The following GULP1 variants were observed in gnomAD, a reference collection of about 807,000 sequenced individuals.
The protein encoded by GULP1 is PTB domain-containing engulfment adapter protein 1.
A neutral mutation model predicts 40.9 loss-of-function variants in GULP1; 19 were observed. The ratio of observed to expected loss-of-function variants is 0.46; its 90% CI spans 0.32 to 0.68. The LOEUF (loss-of-function observed/expected upper bound fraction) is 0.68, where lower values mean the gene tolerates loss of function less well. Among genes scored for constraint, GULP1 ranks in the 30% least tolerant of loss-of-function variants. The pLI is 0.03. For missense variants in GULP1, 312 were observed against 362.2 expected (o/e 0.86, Z 1.12); for synonymous variants, 119 against 117.6 (o/e 1.01, Z -0.08).
At chr2:188,413,115 AAT>A (rs1376908463) in intron 2 of GULP1, among the ~76,000 whole-genome samples, 1 of 152,162 alleles carries the variant, frequency 6.6e-6, no homozygotes, top group African/African-American at 2.4e-5. Context: ...TAATACTTTT[AAT>A]ATATGTTATG....
intron 2 of GULP1, among the ~76,000 whole-genome samples, chr2:188,405,093 T>G (rs1395572148): frequency 6.6e-6 from 1 of 152,132 alleles, no homozygotes; most frequent in Non-Finnish European, 1.5e-5. Flanking sequence ...CTTAGCCCCA[T>G]GGACCTAGGC....
At chr2:188,399,701 A>AAAC (rs1553540247) in intron 2 of GULP1, among the ~76,000 whole-genome samples, 7 of 149,392 alleles carry the variant, frequency 4.7e-5, no homozygotes, top group East Asian at 2.0e-4. Flanking sequence ...AAAAAAAAAA[A>AAAC]AAAAAAAAAA....
chr2:188,473,247 C>T (rs1201787182), intron 2 of GULP1, among the ~76,000 whole-genome samples: 2 of 152,154 alleles, frequency 1.3e-5, no homozygotes, highest in Admixed American at 6.6e-5. Context: ...CAGAACAGCA[C>T]TGGTTCTTGC....
intron 7 of GULP1, among the ~76,000 whole-genome samples, chr2:188,547,598 A>C (rs2153360239): frequency 6.6e-6 from 1 of 152,240 alleles, no homozygotes; most frequent in African/African-American, 2.4e-5. Context: ...TGGCTGCACC[A>C]GCAGCTGATT....
chr2:188,527,234 G>A (rs1300369219), intron 5 of GULP1, among the ~76,000 whole-genome samples: 3 of 152,114 alleles, frequency 2.0e-5, no homozygotes. Flanking sequence ...AGGTTGCACA[G>A]TTCTTGTCAG....
At chr2:188,340,231 A>G (rs1052860079) in intron 1 of GULP1, among the ~76,000 whole-genome samples, 2 of 152,228 alleles carry the variant, frequency 1.3e-5, no homozygotes, top group Non-Finnish European at 2.9e-5. Context: ...GGTCATTTTC[A>G]TATTGCTATA....
At chr2:188,379,780 T>A (rs1176598955) in intron 1 of GULP1, among the ~76,000 whole-genome samples, 1 of 152,180 alleles carries the variant, frequency 6.6e-6, no homozygotes, top group Admixed American at 6.6e-5. Context: ...TATTTTAAAA[T>A]AAAATATTCT....
intron 5 of GULP1, among the ~76,000 whole-genome samples, chr2:188,523,603 G>A (rs4667231): frequency 0.9 from 136,358 of 152,086 alleles, 62,154 homozygotes; most frequent in South Asian, 0.99. Flanking sequence ...AGTTGCTCTC[G>A]TATTTTTGGA....
intron 3 of GULP1, among the ~76,000 whole-genome samples, chr2:188,482,851 A>T (rs891445364): frequency 2.0e-5 from 3 of 151,794 alleles, no homozygotes; most frequent in Non-Finnish European, 2.9e-5. Context: ...GAAGACCTTC[A>T]ATCAGTGTTT....
rs763974062 is a variant in GULP1, at chr2:188,587,868, T to G, written c.762T>G (p.Phe254Leu). ...CCTTCCTTGCAGAACGGGACCTGTT[T>G]GGAGCAGAACCTTTTGACCCATTTA... ...SRSTEIKRDL[F>L]GAEPFDPFNC... The change falls in exon 11 of 12, where the codon TTT becomes TTG. Residue 254 changes from phenylalanine (F) to leucine (L), a missense_variant. By Grantham distance (22) the Phe-to-Leu change is conservative. Transcript: ENST00000409830. 6.2e-7 allele frequency: 1 copy of G among 1,604,864 alleles called. No individual in the cohort carries two copies. Among genetic ancestry groups the G allele is most frequent in the Non-Finnish European group, 8.5e-7 (1 of 1,172,062 alleles).
At position 188,434,481 on chromosome 2, in the gene GULP1, A is replaced by T. The variant is rs2057220283; in HGVS notation, c.-44-43178A>T. 2.0e-5 allele frequency among the ~76,000 whole-genome samples: 3 copies of T among 151,318 alleles called. No individual in the cohort carries two copies. In the South Asian group the frequency reaches 6.2e-4, roughly 31 times the overall value. ...TTTTTAATTTTTAATTTTAGTATCC[A>T]TTCTGCCTCTTGTTTTGGTTTACTT... On this transcript the variant is annotated intron_variant, in intron 2 of 11. Coordinates refer to ENST00000409830, the MANE Select transcript of GULP1 (RefSeq NM_016315.4).
At position 188,291,925 on chromosome 2, in the gene GULP1, C is replaced by G. The variant is rs2033859641; in HGVS notation, c.-413C>G. 4 of 152,358 alleles carry G rather than the reference C, an allele frequency of 2.6e-5. No individual in the cohort carries two copies. Among genetic ancestry groups the G allele is most frequent in the African/African-American group, 9.7e-5 (4 of 41,400 alleles). The allele number at this position is 152,358 out of a possible 1,614,324, so 9.4% of individuals were successfully genotyped here. On this transcript the variant is annotated 5_prime_UTR_variant, in exon 1 of 12. Coordinates refer to ENST00000409830, the MANE Select transcript of GULP1 (RefSeq NM_016315.4). ...CCCCAGCCCCGCGTCCCAGCTGCCG[C>G]CAGCGCCAGTTTTGGATTCGGCGGA...
intron 7 of GULP1, among the ~76,000 whole-genome samples, chr2:188,562,444 T>A (rs969707641): frequency 4.6e-5 from 7 of 152,190 alleles, no homozygotes; most frequent in African/African-American, 1.7e-4. Context: ...CACTTTTCTG[T>A]TGAATTCTGG....
intron 4 of GULP1, among the ~76,000 whole-genome samples, chr2:188,497,342 A>G (rs2062995720): frequency 1.3e-5 from 2 of 152,022 alleles, no homozygotes; most frequent in South Asian, 4.1e-4. Flanking sequence ...GACATGCATA[A>G]CATTATAGTA....
intron 9 of GULP1, among the ~76,000 whole-genome samples, chr2:188,581,650 T>C (rs545802061): frequency 6.6e-6 from 1 of 152,254 alleles, no homozygotes; most frequent in South Asian, 2.1e-4. Flanking sequence ...CTCTCTGATT[T>C]ATTTGAGATC....
chr2:188,332,653 CAG>C (rs1460246580), intron 1 of GULP1, among the ~76,000 whole-genome samples: 1 of 152,010 alleles, frequency 6.6e-6, no homozygotes, highest in East Asian at 1.9e-4. Flanking sequence ...GGTTTCACTG[CAG>C]AGTGGCTGAA....
At chr2:188,323,746 T>C (rs1040892898) in intron 1 of GULP1, among the ~76,000 whole-genome samples, 15 of 149,138 alleles carry the variant, frequency 1.0e-4, no homozygotes, top group African/African-American at 3.7e-4. Context: ...TGTTTTCCTA[T>C]TTTTTTTTTC....
chr2:188,352,907 G>T (rs995212624), intron 1 of GULP1, among the ~76,000 whole-genome samples: 3 of 151,990 alleles, frequency 2.0e-5, no homozygotes, highest in Admixed American at 2.0e-4. Context: ...AGATGACATT[G>T]ATGAAGCACT....
At chr2:188,387,787 A>G (rs933530017) in intron 2 of GULP1, among the ~76,000 whole-genome samples, 7 of 152,122 alleles carry the variant, frequency 4.6e-5, no homozygotes, top group African/African-American at 1.7e-4. Context: ...GATTCTTATA[A>G]CTAGGCATTT....
Sources: allele counts gnomAD v4.1 joint callset (sites outside exome capture counted in the v4.1 genomes callset), GRCh38; gene constraint gnomAD v4.1.1; transcripts MANE v1.5; gene names NCBI Gene and HGNC (gene_info 2026-07-23, HGNC 2026-07-21).